The following PTDSS1 variants were observed in gnomAD, a reference collection of about 807,000 sequenced individuals.
PTDSS1 encodes the protein PSS-1.
A neutral mutation model predicts 70.5 loss-of-function variants in PTDSS1; 45 were observed. The observed-to-expected ratio is 0.64, with a 90% confidence interval of 0.50 to 0.82. The LOEUF (loss-of-function observed/expected upper bound fraction) is 0.82. PTDSS1 is among the 40% of genes least tolerant of loss of function. The pLI, the probability that PTDSS1 is intolerant of heterozygous loss-of-function variation, is 0.00. For missense variants in PTDSS1, 417 were observed against 586.1 expected, an observed-to-expected ratio of 0.71 and a Z score of 2.98; for synonymous variants, 188 against 203.8, an observed-to-expected ratio of 0.92 and a Z score of 0.66.
At chr8:96,272,843 C>T (rs1278215736) in intron 1 of PTDSS1, among the ~76,000 whole-genome samples, 1 of 152,114 alleles carries the variant, frequency 6.6e-6, no homozygotes, top group Non-Finnish European at 1.5e-5. Flanking sequence ...ACATTGTGTG[C>T]CCTCAGTGTG....
At chr8:96,323,695 G>C (rs941774242) in intron 10 of PTDSS1, among the ~76,000 whole-genome samples, 2 of 152,230 alleles carry the variant, frequency 1.3e-5, no homozygotes, top group Non-Finnish European at 1.5e-5. Flanking sequence ...GGGAGGGGCA[G>C]CCTTGAAGAT....
At chr8:96,332,017 TAAAAAAAAAAAAAAA>T (rs59720395) in intron 12 of PTDSS1, among the ~76,000 whole-genome samples, 2 of 63,784 alleles carry the variant, frequency 3.1e-5, no homozygotes, top group Non-Finnish European at 5.8e-5. Context: ...CCCTGCCTCT[TAAAAAAAAAAAAAAA>T]AAAAAAAAAA....
At chr8:96,332,452 G>A (rs1364816387) in intron 12 of PTDSS1, among the ~76,000 whole-genome samples, 5 of 152,178 alleles carry the variant, frequency 3.3e-5, no homozygotes, top group Non-Finnish European at 7.3e-5. Context: ...TCTCCCAGGG[G>A]AGACACTAAC....
At chr8:96,269,391 C>T (rs954691990) in intron 1 of PTDSS1, among the ~76,000 whole-genome samples, 1 of 152,212 alleles carries the variant, frequency 6.6e-6, no homozygotes, top group East Asian at 1.9e-4. Context: ...GTTCAGGGCA[C>T]TGCAGACTGG....
At chr8:96,275,724 C>T (rs974888815) in intron 2 of PTDSS1, among the ~76,000 whole-genome samples, 1 of 152,172 alleles carries the variant, frequency 6.6e-6, no homozygotes, top group South Asian at 2.1e-4. Flanking sequence ...TGACCACCAC[C>T]AAAGCAGACA....
intron 5 of PTDSS1, among the ~76,000 whole-genome samples, chr8:96,297,082 G>T (rs1810986347): frequency 6.6e-6 from 1 of 152,180 alleles, no homozygotes; most frequent in Admixed American, 6.5e-5. Context: ...ATCTCTGTCA[G>T]AATTGCTTGT....
At chr8:96,314,810 A>G (rs1811262200) in intron 9 of PTDSS1, among the ~76,000 whole-genome samples, 1 of 151,978 alleles carries the variant, frequency 6.6e-6, no homozygotes, top group Non-Finnish European at 1.5e-5. Context: ...GTTAGCCAGG[A>G]TGGTCTCGAT....
intron 9 of PTDSS1, among the ~76,000 whole-genome samples, chr8:96,317,728 C>T (rs1244157985): frequency 1.3e-5 from 2 of 149,536 alleles, no homozygotes; most frequent in African/African-American, 2.4e-5. Context: ...GAGTCAGGGC[C>T]GGTCTCAAAA....
intron 6 of PTDSS1, among the ~76,000 whole-genome samples, chr8:96,300,226 C>G (rs1425852391): frequency 6.6e-6 from 1 of 152,130 alleles, no homozygotes; most frequent in Non-Finnish European, 1.5e-5. Context: ...CTTGAGTGAT[C>G]TTTTTAAGAA....
intron 1 of PTDSS1, among the ~76,000 whole-genome samples, chr8:96,268,113 G>C (rs975440035): frequency 2.0e-5 from 3 of 152,180 alleles, no homozygotes; most frequent in African/African-American, 7.2e-5. Context: ...AGTAAATGCT[G>C]AATGAATGGA....
intron 9 of PTDSS1, among the ~76,000 whole-genome samples, chr8:96,314,075 G>T (rs995604401): frequency 3.9e-5 from 6 of 152,248 alleles, no homozygotes; most frequent in African/African-American, 1.4e-4. Context: ...ACAGGGTCTT[G>T]CTGTGTTGCC....
chr8:96,271,803 CT>C (rs1376697573), intron 1 of PTDSS1, among the ~76,000 whole-genome samples: 2 of 152,332 alleles, frequency 1.3e-5, no homozygotes, highest in African/African-American at 4.8e-5. Flanking sequence ...CATCTTTTCA[CT>C]TCTGAGAGCC....
chr8:96,318,992 C>G (rs1811335633), intron 9 of PTDSS1, among the ~76,000 whole-genome samples: 1 of 147,372 alleles, frequency 6.8e-6, no homozygotes, highest in African/African-American at 2.5e-5. Context: ...CTTACCACAA[C>G]CTCCTCCACT....
chr8:96,286,314 T>C (rs771654516), intron 3 of PTDSS1, among the ~76,000 whole-genome samples: 1 of 152,240 alleles, frequency 6.6e-6, no homozygotes, highest in Admixed American at 6.5e-5. Flanking sequence ...TTTTGCCTTC[T>C]AAAAGTGCAT....
intron 3 of PTDSS1, 139 bp downstream of exon 3, chr8:96,284,292 C>A: frequency 1.4e-6 from 1 of 705,592 alleles, no homozygotes; most frequent in Non-Finnish European, 2.3e-6. Flanking sequence ...TCCTAATATA[C>A]ATGTTTTCTT....
chr8:96,274,823 G>A (rs1448971148), intron 2 of PTDSS1, among the ~76,000 whole-genome samples: 2 of 152,194 alleles, frequency 1.3e-5, no homozygotes, highest in African/African-American at 4.8e-5. Context: ...CAAGAACGTA[G>A]TGGTTTTAGT....
At chr8:96,329,254 T>C (rs1811479848) in intron 10 of PTDSS1, among the ~76,000 whole-genome samples, 1 of 152,122 alleles carries the variant, frequency 6.6e-6, no homozygotes, top group Admixed American at 6.5e-5. Flanking sequence ...GATGGCTTGA[T>C]GTGAATGGGT....
At chr8:96,263,276 G>C (rs1361850489) in intron 1 of PTDSS1, among the ~76,000 whole-genome samples, 2 of 152,168 alleles carry the variant, frequency 1.3e-5, no homozygotes, top group Admixed American at 6.5e-5. Flanking sequence ...TTCATAAGGA[G>C]GTACACACCG....
intron 1 of PTDSS1, among the ~76,000 whole-genome samples, chr8:96,270,776 ACCACCTGC>A (rs1372112981): frequency 1.5e-4 from 23 of 152,200 alleles, no homozygotes; most frequent in African/African-American, 5.3e-4. Context: ...ACTTTTCAGA[ACCACCTGC>A]TATTTTATTC....
Sources: gnomAD v4.1 joint callset for allele counts (sites outside exome capture counted in the v4.1 genomes callset) on GRCh38, gnomAD v4.1.1 for gene constraint, MANE v1.5 for transcripts, NCBI Gene and HGNC (gene_info 2026-07-23, HGNC 2026-07-21) for gene names.